Variants in DOCK2 observed in about 807,000 individuals in gnomAD.
The protein encoded by DOCK2 is dedicator of cytokinesis protein 2.
DOCK2 carries 87 observed loss-of-function variants against 248.9 expected under a neutral mutation model. The observed-to-expected ratio is 0.35, with a 90% CI of 0.29 to 0.42. The LOEUF (loss-of-function observed/expected upper bound fraction) is 0.42, where lower values mean the gene tolerates loss of function less well. DOCK2 is among the 10% of genes least tolerant of loss of function. The pLI, the probability that DOCK2 is intolerant of heterozygous loss-of-function variation, is 1.00. For synonymous variants in DOCK2, 805 were observed against 821.6 expected (o/e 0.98, Z 0.35); for missense variants, 1,747 against 2,300.2 (o/e 0.76, Z 4.92).
At chr5:169,670,252 G>C (rs1011394385) in intron 3 of DOCK2, among the ~76,000 whole-genome samples, 1 of 152,178 alleles carries the variant, frequency 6.6e-6, no homozygotes, top group African/African-American at 2.4e-5. Flanking sequence ...TGCAGGATGA[G>C]TGGCCATAAT....
At chr5:170,059,190 C>T (rs1294530900) in intron 44 of DOCK2, among the ~76,000 whole-genome samples, 2 of 151,580 alleles carry the variant, frequency 1.3e-5, no homozygotes, top group African/African-American at 4.9e-5. Context: ...CAGCCCACCC[C>T]AGCAAGTAGT....
intron 27 of DOCK2, among the ~76,000 whole-genome samples, chr5:169,974,712 T>A (rs1777650386): frequency 6.6e-6 from 1 of 152,154 alleles, no homozygotes; most frequent in African/African-American, 2.4e-5. Context: ...ATATACCGTA[T>A]TTTCCTGCAC....
chr5:169,860,380 G>T (rs960477815), intron 27 of DOCK2, among the ~76,000 whole-genome samples: 1 of 152,074 alleles, frequency 6.6e-6, no homozygotes, highest in African/African-American at 2.4e-5. Context: ...ATATGTGCTT[G>T]TTGAGCACCT....
At chr5:170,037,262 G>A (rs997353878) in intron 36 of DOCK2, among the ~76,000 whole-genome samples, 4 of 151,690 alleles carry the variant, frequency 2.6e-5, no homozygotes, top group African/African-American at 9.7e-5. Flanking sequence ...TTCTATGCAT[G>A]CATATTTTTT....
At chr5:169,858,278 G>A (rs1469906518) in intron 27 of DOCK2, among the ~76,000 whole-genome samples, 2 of 152,186 alleles carry the variant, frequency 1.3e-5, no homozygotes, top group South Asian at 2.1e-4. Flanking sequence ...CAAGGACTTC[G>A]ATGGTAAGGT....
intron 15 of DOCK2, 58 bp from the exon 16 acceptor site, chr5:169,711,877 T>C: frequency 6.3e-7 from 1 of 1,585,602 alleles, no homozygotes; most frequent in Non-Finnish European, 8.6e-7. Flanking sequence ...TGTAGGGGGG[T>C]GCAGTGGGGA....
intron 26 of DOCK2, among the ~76,000 whole-genome samples, chr5:169,828,990 A>G (rs561912301): frequency 2.8e-4 from 43 of 152,284 alleles, no homozygotes; most frequent in African/African-American, 9.6e-4. Context: ...GGATTACTTT[A>G]TGACTCCCTA....
intron 22 of DOCK2, among the ~76,000 whole-genome samples, chr5:169,721,424 A>T (rs1366800960): frequency 6.6e-6 from 1 of 152,156 alleles, no homozygotes; most frequent in Non-Finnish European, 1.5e-5. Flanking sequence ...TTTAGCAATG[A>T]TCTGCTCTCC....
intron 26 of DOCK2, among the ~76,000 whole-genome samples, chr5:169,811,225 T>C (rs1342326898): frequency 1.3e-5 from 2 of 152,184 alleles, no homozygotes; most frequent in Non-Finnish European, 2.9e-5. Flanking sequence ...TTGGGCGCCT[T>C]CTTCTGAAGT....
At chr5:170,021,752 G>A (rs1199315120) in intron 33 of DOCK2, among the ~76,000 whole-genome samples, 1 of 152,182 alleles carries the variant, frequency 6.6e-6, no homozygotes, top group Non-Finnish European at 1.5e-5. Context: ...TGCTTCATAG[G>A]AGCTCAGCTC....
intron 27 of DOCK2, among the ~76,000 whole-genome samples, chr5:169,947,147 C>T (rs889834326): frequency 6.6e-6 from 1 of 152,228 alleles, no homozygotes; most frequent in Non-Finnish European, 1.5e-5. Context: ...ATTGTGCAAA[C>T]TTCCAAGGTC....
At position 169,714,012 on chromosome 5, in the gene DOCK2, C is replaced by A. The variant is rs1312967814; in HGVS notation, c.1660-16C>A. ...TGGAGCCTTGGCTTGGGGCAGTAAC[C>A]AAGTGTTGTTTCCAGGGGGACAGCA... is the stretch of plus-strand genomic sequence containing the variant. On this transcript the variant is annotated splice_polypyrimidine_tract_variant and intron_variant, in intron 17 of 51. Transcript: ENST00000520908. 1 of 1,579,136 alleles carries A rather than the reference C, an allele frequency of 6.3e-7. No individual in the cohort carries two copies. Among genetic ancestry groups the A allele is most frequent in the African/African-American group, 1.3e-5 (1 of 74,304 alleles).
At chr5:169,905,922 G>C (rs1774249999) in intron 27 of DOCK2, among the ~76,000 whole-genome samples, 1 of 152,216 alleles carries the variant, frequency 6.6e-6, no homozygotes, top group Non-Finnish European at 1.5e-5. Flanking sequence ...CAGCTGTCTT[G>C]AACCTGACTG....
intron 25 of DOCK2, among the ~76,000 whole-genome samples, chr5:169,787,974 C>T (rs2113041201): frequency 6.6e-6 from 1 of 152,224 alleles, no homozygotes; most frequent in South Asian, 2.1e-4. Flanking sequence ...TCCACTGTAT[C>T]TCTCATATGG....
Position 169,865,505 on chromosome 5 carries a change from C to G in DOCK2, c.2799+24653C>G, listed in dbSNP as rs904403857. Among the ~76,000 whole-genome samples the G allele has an allele frequency of 4.6e-5, 7 of 152,344 alleles. No individual in the cohort carries two copies. In the East Asian group the frequency reaches 1.2e-3, roughly 25 times the overall value. The stretch of plus-strand genomic sequence containing the variant: ...AAAAAACGAATCCTCTTAGACATCC[C>G]TGTGGGCTGAGCACGGGTTCCCTCT... On this transcript the variant is annotated intron_variant, in intron 27 of 51. Transcript: ENST00000520908.
At chr5:169,638,338 G>T (rs1331331656) in intron 1 of DOCK2, among the ~76,000 whole-genome samples, 2 of 152,122 alleles carry the variant, frequency 1.3e-5, no homozygotes, top group East Asian at 3.9e-4. Context: ...GCACTGTGGG[G>T]TCATTTTGAT....
chr5:169,980,446 A>T (rs1333146427), intron 27 of DOCK2: 1 of 152,158 alleles, frequency 6.6e-6, no homozygotes, highest in Non-Finnish European at 1.5e-5. Flanking sequence ...GTAGGAATAA[A>T]TAAAAAGCCG....
chr5:169,860,112 T>C (rs261032), intron 27 of DOCK2, among the ~76,000 whole-genome samples: 131,256 of 151,590 alleles, frequency 0.87, 57,258 homozygotes, highest in African/African-American at 0.96. Flanking sequence ...ACCAGAGGTG[T>C]GAGCCACACT....
At chr5:170,046,489 T>C (rs566151947) in intron 39 of DOCK2, among the ~76,000 whole-genome samples, 96 of 152,266 alleles carry the variant, frequency 6.3e-4, no homozygotes, top group African/African-American at 2.2e-3. Flanking sequence ...GTTTTCTGGC[T>C]GCCTGAGCAG....
Sources: gnomAD v4.1 joint callset for allele counts (sites outside exome capture counted in the v4.1 genomes callset) on GRCh38, gnomAD v4.1.1 for gene constraint, MANE v1.5 for transcripts, NCBI Gene and HGNC (gene_info 2026-07-23, HGNC 2026-07-21) for gene names.